Variants in CMC2 observed in about 807,000 individuals in gnomAD.
CMC2 encodes the protein C-X9-C motif containing 2.
In CMC2, 5 loss-of-function variants were observed where a neutral mutation model predicts 7.5. The ratio of observed to expected loss-of-function variants is 0.66; its 90% CI spans 0.35 to 1.40. The LOEUF (loss-of-function observed/expected upper bound fraction) is 1.40, where lower values mean the gene tolerates loss of function less well. Among genes scored for constraint, CMC2 ranks in the 40% most tolerant of loss-of-function variants. CMC2 has a pLI of 0.04. For missense variants in CMC2, 115 were observed against 92.3 expected (o/e 1.25, Z -1.01); for synonymous variants, 37 against 31.4 (o/e 1.18, Z -0.60).
chr16:80,988,350 T>G (rs1967703605), intron 2 of CMC2, among the ~76,000 whole-genome samples: 1 of 152,208 alleles, frequency 6.6e-6, no homozygotes, highest in Non-Finnish European at 1.5e-5. Flanking sequence ...CTCAAACTCC[T>G]GGGCTCAATT....
At chr16:80,979,612 A>T (rs900056535) in intron 3 of CMC2, among the ~76,000 whole-genome samples, 5 of 149,596 alleles carry the variant, frequency 3.3e-5, no homozygotes, top group African/African-American at 1.2e-4. Flanking sequence ...TTTATTTTTT[A>T]TTTTATTTTT....
chr16:80,983,377 G>A (rs985814714), intron 2 of CMC2: 4 of 152,218 alleles, frequency 2.6e-5, no homozygotes, highest in Admixed American at 6.5e-5. Flanking sequence ...TGTTCTGCAA[G>A]TAGAAACAAA....
intron 3 of CMC2, chr16:80,980,660 T>C: frequency 2.0e-6 from 1 of 499,646 alleles, no homozygotes; most frequent in Non-Finnish European, 3.6e-6. Flanking sequence ...GAGGCCAAGG[T>C]GGGAGGACTG....
intron 2 of CMC2, among the ~76,000 whole-genome samples, chr16:80,991,528 C>G (rs1967991593): frequency 6.6e-6 from 1 of 151,932 alleles, no homozygotes; most frequent in African/African-American, 2.4e-5. Context: ...GTAGTCCCAG[C>G]TACTCGGGAG....
chr16:80,988,543 TAC>T, intron 2 of CMC2: 1 of 701,970 alleles, frequency 1.4e-6, no homozygotes, highest in Non-Finnish European at 2.6e-6. Flanking sequence ...CTCTTACATA[TAC>T]ACCCGAGCTT....
chr16:80,996,760 A>T (rs945492332), intron 2 of CMC2, among the ~76,000 whole-genome samples: 4 of 152,226 alleles, frequency 2.6e-5, no homozygotes, highest in African/African-American at 7.2e-5. Flanking sequence ...AACAGCTATA[A>T]AAATGTCAGC....
At chr16:80,995,018 C>T (rs2970083) in intron 2 of CMC2, among the ~76,000 whole-genome samples, 99,031 of 151,860 alleles carry the variant, frequency 0.65, 34,047 homozygotes, top group Middle Eastern at 0.8. Context: ...TGGTGACACA[C>T]ACCTGTAATC....
At chr16:80,991,700 T>A (rs1193378786) in intron 2 of CMC2, 2 of 261,574 alleles carry the variant, frequency 7.6e-6, no homozygotes, top group Non-Finnish European at 1.5e-5. Flanking sequence ...AACGTCAACA[T>A]TAACAGTGAT....
rs1555512300 is a variant in CMC2 at position 80,971,564 on chromosome 16, T to TATATATATATATATATATATATATATATA, written c.*4528_*4529insTATATATATATATATATATATATATATAT. On this transcript the variant is annotated 3_prime_UTR_variant, in exon 4 of 4. Transcript: ENST00000219400. ...CTATGGATACTGACATACATACATTTTATATATATATATATATATATGTAT... is the reference window on the plus strand; with the variant it reads ...CTATGGATACTGACATACATACATTTATATATATATATATATATATATATATATATATATATATATATATATATATGTAT... The TATATATATATATATATATATATATATATA allele has an allele frequency of 2.5e-5, 3 of 121,244 alleles. No homozygotes were observed. Among genetic ancestry groups the TATATATATATATATATATATATATATATA allele is most frequent in the African/African-American group, 1.2e-4 (3 of 25,706 alleles). 7.5% of individuals were successfully genotyped at this position (121,244 alleles called of 1,614,324 possible).
intron 2 of CMC2, among the ~76,000 whole-genome samples, chr16:80,985,292 A>C (rs1291095700): frequency 6.6e-6 from 1 of 152,172 alleles, no homozygotes; most frequent in East Asian, 1.9e-4. Context: ...ATCCTCCCAC[A>C]AGGGTATAGC....
intron 1 of CMC2, chr16:80,998,968 A>C (rs924619064): frequency 6.6e-6 from 1 of 152,178 alleles, no homozygotes; most frequent in Non-Finnish European, 1.5e-5. Context: ...CATCTATGAC[A>C]AACTCACAGC....
At chr16:81,002,022 A>G (rs996236018) in intron 1 of CMC2, among the ~76,000 whole-genome samples, 1 of 152,232 alleles carries the variant, frequency 6.6e-6, no homozygotes, top group Non-Finnish European at 1.5e-5. Flanking sequence ...ATTAAGTTTC[A>G]TACAGTTCAG....
At chr16:81,006,583 C>G (rs1004988287) in intron 1 of CMC2, 151 bp downstream of exon 1, 2 of 469,318 alleles carry the variant, frequency 4.3e-6, no homozygotes, top group African/African-American at 4.2e-5. Flanking sequence ...AGCGCAGCAG[C>G]CCGGCTGTGG....
rs550995659 is a variant in CMC2, at chr16:80,987,125, G to A, written c.82-5248C>T. On this transcript the variant is annotated intron_variant, in intron 2 of 3. Coordinates refer to ENST00000219400, the MANE Select transcript of CMC2 (RefSeq NM_020188.5). ...GTCATTAGTGATCTTGAAAGTTTTG[G>A]GACCCTAGTGAGGGTAGAAGCCAAC... Among the ~76,000 whole-genome samples the A allele has an allele frequency of 2.6e-5, 4 of 152,250 alleles. No homozygotes were observed. The South Asian group carries it at 8.3e-4, about 32-fold the overall frequency.
Position 80,976,077 on chromosome 16 carries a change from C to T in CMC2, c.*16G>A, listed in dbSNP as rs1160017870. ...TTAGGTCTTCTCTCAGCCAAGGCAT[C>T]GAGTGAAAATACAATTTATTTTTCG... On this transcript the variant is annotated 3_prime_UTR_variant, in exon 4 of 4. Coordinates refer to ENST00000219400, the MANE Select transcript of CMC2 (RefSeq NM_020188.5). The T allele has an allele frequency of 1.5e-5, 22 of 1,467,906 alleles. No homozygotes were observed. The highest frequency in any genetic ancestry group is 4.5e-5 in the South Asian group (4 of 88,138). 90.9% of individuals were successfully genotyped at this position (1,467,906 alleles called of 1,614,324 possible).
intron 2 of CMC2, among the ~76,000 whole-genome samples, chr16:80,990,832 C>T (rs1012935798): frequency 6.6e-6 from 1 of 152,130 alleles, no homozygotes; most frequent in Non-Finnish European, 1.5e-5. Context: ...GATCCTCCCA[C>T]CTCAACCTCA....
intron 2 of CMC2, among the ~76,000 whole-genome samples, chr16:80,989,447 C>T (rs1325370946): frequency 6.6e-6 from 1 of 152,142 alleles, no homozygotes; most frequent in African/African-American, 2.4e-5. Context: ...GTGGGAATCC[C>T]TTCAAGCTAG....
chr16:80,967,743 A>G lies in CMC2; in HGVS notation c.*8350T>C, dbSNP rs1030253755. 5.3e-5 allele frequency: 8 copies of G among 152,230 alleles called. No individual in the cohort carries two copies. The highest frequency in any genetic ancestry group is 6.5e-5 in the Admixed American group (1 of 15,272). 9.4% of individuals were successfully genotyped at this position (152,230 alleles called of 1,614,324 possible). Reference sequence around the variant, plus strand: ...TGCTCTGTAAGCAAATACTCCAGTGAAAAATAGCCAGGTCTAAATTTCTGT... The same window carrying G: ...TGCTCTGTAAGCAAATACTCCAGTGGAAAATAGCCAGGTCTAAATTTCTGT... On this transcript the variant is annotated 3_prime_UTR_variant, in exon 4 of 4. Coordinates refer to ENST00000219400, the MANE Select transcript of CMC2 (RefSeq NM_020188.5).
chr16:80,978,320 T>G (rs956727191), intron 3 of CMC2: 8 of 1,261,506 alleles, frequency 6.3e-6, no homozygotes. Flanking sequence ...AAGATAATAC[T>G]TTGTAGCAGG....
Sources: gnomAD v4.1 joint callset for allele counts (sites outside exome capture counted in the v4.1 genomes callset) on GRCh38, gnomAD v4.1.1 for gene constraint, MANE v1.5 for transcripts, NCBI Gene and HGNC (gene_info 2026-07-23, HGNC 2026-07-21) for gene names.